The following SLCO5A1 variants were observed in gnomAD, a reference collection of about 807,000 sequenced individuals.
SLCO5A1 encodes solute carrier organic anion transporter family member 5A1, also known as organic anion transporter polypeptide-related protein 4.
A neutral mutation model predicts 65.1 loss-of-function variants in SLCO5A1; 39 were observed. The observed-to-expected ratio is 0.60, with a 90% CI of 0.46 to 0.78. The LOEUF (loss-of-function observed/expected upper bound fraction) is 0.78, where lower values mean the gene tolerates loss of function less well. Among genes scored for constraint, SLCO5A1 ranks in the 30% least tolerant of loss-of-function variants. The pLI is 0.00. For synonymous variants in SLCO5A1, 438 were observed against 415.7 expected (o/e 1.05, Z -0.65); for missense variants, 1,029 against 1,069.4 (o/e 0.96, Z 0.53).
At position 69,811,327 on chromosome 8, in the gene SLCO5A1, T is replaced by C. The variant is rs117932539; in HGVS notation, c.907+20440A>G. Among the ~76,000 whole-genome samples, 203 of 152,320 alleles carry C rather than the reference T, an allele frequency of 1.3e-3. 3 individuals carry two copies. The East Asian group carries it at 0.036, about 27-fold the overall frequency. ...GCCTGTCGTAATTACCAGAAGCCCA[T>C]AGCAAGAGCATCTTGTGAGGAAGCT... is the stretch of plus-strand genomic sequence containing the variant. On this transcript the variant is annotated intron_variant, in intron 2 of 9. Transcript: ENST00000260126.
At chr8:69,822,399 A>G (rs1215826990) in intron 2 of SLCO5A1, among the ~76,000 whole-genome samples, 1 of 152,248 alleles carries the variant, frequency 6.6e-6, no homozygotes, top group Non-Finnish European at 1.5e-5. Flanking sequence ...AGTTCTCATG[A>G]TAAAACCTTG....
intron 2 of SLCO5A1, among the ~76,000 whole-genome samples, chr8:69,801,642 T>G (rs1170855632): frequency 6.6e-6 from 1 of 152,210 alleles, no homozygotes; most frequent in African/African-American, 2.4e-5. Flanking sequence ...GGAAGTATAT[T>G]CATTTGAATG....
intron 2 of SLCO5A1, among the ~76,000 whole-genome samples, chr8:69,767,889 C>CAAAAAAAAAAAAAAAAAAAAAAAAA (rs746004982): frequency 8.6e-5 from 3 of 35,020 alleles, no homozygotes; most frequent in African/African-American, 1.3e-4. Flanking sequence ...GACTCCATCT[C>CAAAAAAAAAAAAAAAAAAAAAAAAA]AAAAAAAAAA....
chr8:69,827,805 C>T (rs1036296162), intron 2 of SLCO5A1, among the ~76,000 whole-genome samples: 24 of 152,204 alleles, frequency 1.6e-4, no homozygotes, highest in African/African-American at 5.6e-4. Flanking sequence ...ATAATAGTCT[C>T]TAATTTGTAC....
chr8:69,818,881 G>A (rs1820516257), intron 2 of SLCO5A1, among the ~76,000 whole-genome samples: 1 of 152,068 alleles, frequency 6.6e-6, no homozygotes, highest in East Asian at 1.9e-4. Flanking sequence ...CACTCATGGC[G>A]CCACATCATT....
intron 5 of SLCO5A1, among the ~76,000 whole-genome samples, chr8:69,731,356 C>T (rs1816330233): frequency 6.6e-6 from 1 of 152,200 alleles, no homozygotes; most frequent in Admixed American, 6.5e-5. Flanking sequence ...TACTTTTGCA[C>T]CAACCTAATC....
intron 9 of SLCO5A1, among the ~76,000 whole-genome samples, chr8:69,673,718 C>T (rs890327555): frequency 6.6e-6 from 1 of 152,250 alleles, no homozygotes; most frequent in South Asian, 2.1e-4. Context: ...AAGTATTCAA[C>T]AGGCTATACT....
rs1813221991 is a variant in SLCO5A1 at position 69,667,721 on chromosome 8, T to C, written c.*5148A>G. 5 of 152,354 alleles carry C rather than the reference T, an allele frequency of 3.3e-5. No individual in the cohort carries two copies. The South Asian group carries it at 1.0e-3, about 32-fold the overall frequency. 9.4% of individuals were successfully genotyped at this position (152,354 alleles called of 1,614,324 possible). On this transcript the variant is annotated 3_prime_UTR_variant, in exon 10 of 10. Transcript: ENST00000260126. ...AAATACCTTACATGGGTGTAATCTT[T>C]TTGGAGAAGAAATAAGAAAAGGTTA...
intron 5 of SLCO5A1, among the ~76,000 whole-genome samples, chr8:69,719,978 C>A (rs1164298343): frequency 6.6e-6 from 1 of 152,154 alleles, no homozygotes; most frequent in Non-Finnish European, 1.5e-5. Flanking sequence ...CTTAATTTCC[C>A]GCAACAATTG....
intron 4 of SLCO5A1, among the ~76,000 whole-genome samples, chr8:69,742,924 C>T (rs1019153438): frequency 2.0e-5 from 3 of 151,252 alleles, no homozygotes; most frequent in Admixed American, 1.3e-4. Context: ...CCTCAGCCTC[C>T]CAAGTAGCTG....
intron 3 of SLCO5A1, among the ~76,000 whole-genome samples, chr8:69,759,360 AT>A (rs967614625): frequency 6.6e-6 from 1 of 152,198 alleles, no homozygotes; most frequent in African/African-American, 2.4e-5. Flanking sequence ...ACATTGAGCC[AT>A]TAAAAATGGA....
chr8:69,817,992 G>C (rs867449318), intron 2 of SLCO5A1, among the ~76,000 whole-genome samples: 2 of 152,182 alleles, frequency 1.3e-5, no homozygotes, highest in Non-Finnish European at 2.9e-5. Context: ...CCAAAAGGGA[G>C]AAACTCAACT....
At chr8:69,827,314 G>GA (rs199835459) in intron 2 of SLCO5A1, among the ~76,000 whole-genome samples, 15 of 151,196 alleles carry the variant, frequency 9.9e-5, no homozygotes, top group South Asian at 2.1e-4. Flanking sequence ...TAAAAAAAGA[G>GA]AAAAAAAAAT....
intron 6 of SLCO5A1, among the ~76,000 whole-genome samples, chr8:69,693,803 G>T (rs1814375577): frequency 6.6e-6 from 1 of 152,182 alleles, no homozygotes; most frequent in African/African-American, 2.4e-5. Flanking sequence ...TGAAGAAATT[G>T]AGGCACAGAA....
chr8:69,824,616 G>T (rs1288897055), intron 2 of SLCO5A1, among the ~76,000 whole-genome samples: 1 of 152,184 alleles, frequency 6.6e-6, no homozygotes, highest in Admixed American at 6.5e-5. Flanking sequence ...AACAGGAGCT[G>T]AAATTGTGGC....
In SLCO5A1 at chr8:69,698,707, A is replaced by G. The variant is rs141519578; in HGVS notation, c.1622+6324T>C. ...TTGCCCACTTTTTAATGGGGCTGAT[A>G]ATTTTTTAACCTAGAATTCTACGCC... On this transcript the variant is annotated intron_variant, in intron 6 of 9. Coordinates refer to ENST00000260126, the MANE Select transcript of SLCO5A1 (RefSeq NM_030958.3). 1.4e-3 allele frequency among the ~76,000 whole-genome samples: 214 copies of G among 152,234 alleles called. No homozygotes were observed. In the Middle Eastern group the frequency reaches 0.017, roughly 12 times the overall value.
chr8:69,768,919 G>T (rs1045222106), intron 2 of SLCO5A1, among the ~76,000 whole-genome samples: 2 of 152,032 alleles, frequency 1.3e-5, no homozygotes, highest in African/African-American at 4.8e-5. Context: ...TCCTCACCTT[G>T]ACCACAGCCT....
chr8:69,676,738 C>A lies in SLCO5A1; in HGVS notation c.2025-65G>T, dbSNP rs113295738. ...AGCCCCAAGAAAATGAATGTCAAAT[C>A]AAGTCGGCTTTGTGCAGAGCCAGGG... On this transcript the variant is annotated intron_variant, in intron 8 of 9. Transcript: ENST00000260126. The A allele has an allele frequency of 1.6e-3, 2,307 of 1,465,218 alleles. 31 individuals carry two copies. The African/African-American group carries it at 0.027, about 17-fold the overall frequency. The allele number at this position is 1,465,218 out of a possible 1,614,324, so 90.8% of individuals were successfully genotyped here.
chr8:69,761,900 G>A (rs1817792693), intron 2 of SLCO5A1, 25 bp from the exon 3 acceptor site: 2 of 1,608,114 alleles, frequency 1.2e-6, no homozygotes, highest in South Asian at 1.1e-5. Context: ...GGGGAAATGT[G>A]AAATACAGCG....
Sources: gnomAD v4.1 joint callset for allele counts (sites outside exome capture counted in the v4.1 genomes callset) on GRCh38, gnomAD v4.1.1 for gene constraint, MANE v1.5 for transcripts, NCBI Gene and HGNC (gene_info 2026-07-23, HGNC 2026-07-21) for gene names.